ARHGEF7: variants seen among roughly 807,000 people sequenced by gnomAD.
The protein encoded by ARHGEF7 is PAK-interacting exchange factor beta.
A neutral mutation model predicts 109.8 loss-of-function variants in ARHGEF7; 33 were observed. That is an observed-to-expected ratio of 0.30 (90% CI 0.23 to 0.40). The LOEUF (loss-of-function observed/expected upper bound fraction) is 0.40. Among genes scored for constraint, ARHGEF7 ranks in the 10% least tolerant of loss-of-function variants. The pLI is 1.00. For missense variants in ARHGEF7, 938 were observed against 1,098.5 expected, an observed-to-expected ratio of 0.85 and a Z score of 2.07; for synonymous variants, 458 against 424.6, an observed-to-expected ratio of 1.08 and a Z score of -0.97.
At chr13:111,232,131 A>G (rs762744428) in intron 5 of ARHGEF7, among the ~76,000 whole-genome samples, 11 of 152,092 alleles carry the variant, frequency 7.2e-5, no homozygotes, top group Non-Finnish European at 1.5e-4. Context: ...ACTATGATAT[A>G]CACACAACCA....
chr13:111,175,891 C>A (rs2078110495), intron 2 of ARHGEF7, among the ~76,000 whole-genome samples: 1 of 152,180 alleles, frequency 6.6e-6, no homozygotes, highest in Non-Finnish European at 1.5e-5. Context: ...AAAGGGGAAG[C>A]AAACACGTCC....
intron 3 of ARHGEF7, among the ~76,000 whole-genome samples, chr13:111,209,003 CTT>C (rs1214302982): frequency 6.6e-6 from 1 of 152,168 alleles, no homozygotes; most frequent in Non-Finnish European, 1.5e-5. Context: ...TACCTTCAGA[CTT>C]TTCGATGTTG....
rs142235380 is a variant in ARHGEF7, at chr13:111,145,508, G to A, written c.166-8397G>A. Among the ~76,000 whole-genome samples the A allele has an allele frequency of 1.1e-4, 16 of 152,314 alleles. No individual in the cohort carries two copies. The East Asian group carries it at 3.1e-3, about 29-fold the overall frequency. On this transcript the variant is annotated intron_variant, in intron 1 of 21. Transcript: ENST00000646102. The surrounding 1 kb of genome is among the most constrained non-coding windows in gnomAD (Gnocchi z 4.3). Reference sequence around the variant, plus strand: ...GAGAGGCTGCCTGACAGGAGCCATGGTCTTCCGCGAGTGGTGTGTTGGTAA... The same window carrying A: ...GAGAGGCTGCCTGACAGGAGCCATGATCTTCCGCGAGTGGTGTGTTGGTAA...
intron 18 of ARHGEF7, 121 bp downstream of exon 18, chr13:111,288,564 G>A: frequency 1.7e-6 from 1 of 579,294 alleles, no homozygotes; most frequent in Non-Finnish European, 2.8e-6. Context: ...ACCTCCCAGT[G>A]AGTGATGTTT....
chr13:111,130,214 G>T (rs1413549123), intron 1 of ARHGEF7, among the ~76,000 whole-genome samples: 1 of 152,180 alleles, frequency 6.6e-6, no homozygotes, highest in African/African-American at 2.4e-5. Context: ...AGTGATTGTG[G>T]AGTAGCTCAA....
At chr13:111,210,983 G>A (rs1289700915) in intron 4 of ARHGEF7, among the ~76,000 whole-genome samples, 2 of 152,096 alleles carry the variant, frequency 1.3e-5, no homozygotes, top group African/African-American at 2.4e-5. Flanking sequence ...GGTTTATGAA[G>A]CATGTGTGAA....
chr13:111,265,124 C>CAA (rs976877106), intron 8 of ARHGEF7, among the ~76,000 whole-genome samples: 3,983 of 68,680 alleles, frequency 0.058, 116 homozygotes, highest in Non-Finnish European at 0.074. Context: ...AACTCCATCT[C>CAA]AAAAAAAAAA....
At chr13:111,148,000 G>T (rs947952277) in intron 1 of ARHGEF7, among the ~76,000 whole-genome samples, 1 of 152,150 alleles carries the variant, frequency 6.6e-6, no homozygotes, top group Non-Finnish European at 1.5e-5. Flanking sequence ...CCCAGCCGAG[G>T]TCACCTTTTA....
At chr13:111,301,250 G>C (rs954139687) in intron 20 of ARHGEF7, among the ~76,000 whole-genome samples, 2 of 152,184 alleles carry the variant, frequency 1.3e-5, no homozygotes, top group Non-Finnish European at 2.9e-5. Context: ...TGCCTGGCCA[G>C]AGCTTCACTT....
rs1434023131 is a variant in ARHGEF7 at position 111,303,832 on chromosome 13, G to A, written c.*719G>A. The A allele has an allele frequency of 6.6e-6, 1 of 152,244 alleles. No homozygotes were observed. The highest frequency in any genetic ancestry group is 1.9e-4 in the East Asian group (1 of 5,200). The allele number at this position is 152,244 out of a possible 1,614,324, so 9.4% of individuals were successfully genotyped here. A position where few individuals can be genotyped will look rare whatever the true frequency, so the allele number is the denominator to read the frequency against. ...CTGCCGCATCCACCTAGAGGTGTTTGCTCTTGTCCGCTGTCTGAGTACTGT... is the reference window on the plus strand; with the variant it reads ...CTGCCGCATCCACCTAGAGGTGTTTACTCTTGTCCGCTGTCTGAGTACTGT... On this transcript the variant is annotated 3_prime_UTR_variant, in exon 22 of 22. Transcript: ENST00000646102.
intron 8 of ARHGEF7, among the ~76,000 whole-genome samples, chr13:111,248,911 A>T (rs973446021): frequency 6.6e-6 from 1 of 152,140 alleles, no homozygotes; most frequent in African/African-American, 2.4e-5. Flanking sequence ...ACTCTTGATC[A>T]TGTTAGGTTT....
At chr13:111,234,608 C>A (rs2086547803) in intron 6 of ARHGEF7, among the ~76,000 whole-genome samples, 1 of 152,184 alleles carries the variant, frequency 6.6e-6, no homozygotes, top group South Asian at 2.1e-4. Flanking sequence ...AGCAGGTCTC[C>A]TCATGCATCA....
chr13:111,270,308 T>C (rs1417321951), intron 9 of ARHGEF7, among the ~76,000 whole-genome samples: 1 of 152,252 alleles, frequency 6.6e-6, no homozygotes, highest in East Asian at 1.9e-4. Context: ...CGGTAAGGAC[T>C]GAGGAGACCC....
chr13:111,225,427 C>T (rs2085063995), intron 5 of ARHGEF7, among the ~76,000 whole-genome samples: 1 of 152,100 alleles, frequency 6.6e-6, no homozygotes, highest in African/African-American at 2.4e-5. Context: ...ACGTAGCTGC[C>T]TCGCAACTCT....
chr13:111,227,320 T>C (rs986520141), intron 5 of ARHGEF7, among the ~76,000 whole-genome samples: 1 of 152,178 alleles, frequency 6.6e-6, no homozygotes, highest in Non-Finnish European at 1.5e-5. Flanking sequence ...AAATCTTTCA[T>C]GAAAGGAAGA....
At chr13:111,150,793 T>A (rs2075849936) in intron 1 of ARHGEF7, among the ~76,000 whole-genome samples, 1 of 151,310 alleles carries the variant, frequency 6.6e-6, no homozygotes. Context: ...ACGAGAGATG[T>A]AGTATTGGGG....
chr13:111,267,912 G>C (rs931193002), intron 9 of ARHGEF7, among the ~76,000 whole-genome samples: 7 of 149,430 alleles, frequency 4.7e-5, no homozygotes, highest in Non-Finnish European at 8.9e-5. Flanking sequence ...TTGGCTAATA[G>C]GTTGAAGGGG....
intron 8 of ARHGEF7, among the ~76,000 whole-genome samples, chr13:111,251,736 C>T (rs1014441809): frequency 6.6e-6 from 1 of 152,210 alleles, no homozygotes; most frequent in Admixed American, 6.5e-5. Flanking sequence ...GCAGCGTCTT[C>T]TCCCAGAACC....
intron 6 of ARHGEF7, chr13:111,241,412 C>T (rs1449738070): frequency 1.4e-6 from 2 of 1,480,204 alleles, no homozygotes; most frequent in Non-Finnish European, 9.1e-7. Flanking sequence ...GGCACCCCAG[C>T]TGGAGTCAGG....
Sources: gnomAD v4.1 joint callset for allele counts (sites outside exome capture counted in the v4.1 genomes callset) on GRCh38, gnomAD v4.1.1 for gene constraint, Gnocchi (gnomAD v3.1) non-coding constraint, MANE v1.5 for transcripts, NCBI Gene and HGNC (gene_info 2026-07-23, HGNC 2026-07-21) for gene names.